PRKAG2: variants seen among roughly 807,000 people sequenced by gnomAD.
PRKAG2 encodes 5'-AMP-activated protein kinase subunit gamma-2.
A neutral mutation model predicts 69.6 loss-of-function variants in PRKAG2; 26 were observed. The observed-to-expected ratio is 0.37, with a 90% confidence interval of 0.27 to 0.52. The LOEUF (loss-of-function observed/expected upper bound fraction) is 0.52. Among genes scored for constraint, PRKAG2 ranks in the 20% least tolerant of loss-of-function variants. The pLI, the probability that PRKAG2 is intolerant of heterozygous loss-of-function variation, is 0.90. For synonymous variants in PRKAG2, 293 were observed against 285.0 expected (o/e 1.03, Z -0.28); for missense variants, 557 against 740.0 (o/e 0.75, Z 2.87).
At chr7:151,676,503 C>T (rs1832969202) in intron 3 of PRKAG2, among the ~76,000 whole-genome samples, 1 of 152,150 alleles carries the variant, frequency 6.6e-6, no homozygotes, top group Non-Finnish European at 1.5e-5. Flanking sequence ...TGTAGGAAGA[C>T]TGGAGACATG....
Position 151,564,135 on chromosome 7 carries a change from C to T in PRKAG2, c.1527G>A (p.Val509=), listed in dbSNP as rs777726411. 5 of 1,614,056 alleles carry T rather than the reference C, an allele frequency of 3.1e-6. No homozygotes were observed. The highest frequency in any genetic ancestry group is 2.2e-5 in the South Asian group (2 of 91,090). Residue 509 remains valine (V), a synonymous_variant, in exon 14 of 16, where the codon GTG becomes GTA. Transcript: ENST00000287878. The stretch of plus-strand genomic sequence containing the variant: ...CCAGTATTTCCAGCTTATTGCACTT[C>T]ACAACACCTTCAAAATACTGTGAAC... The part of the protein sequence containing the change: ...QHRSQYFEGV[V]KCNKLEILET...
intron 3 of PRKAG2, among the ~76,000 whole-genome samples, chr7:151,700,310 C>G (rs1008461023): frequency 6.6e-6 from 1 of 152,176 alleles, no homozygotes; most frequent in African/African-American, 2.4e-5. Flanking sequence ...TTTGTAGACT[C>G]TGGCTCCTTG....
At chr7:151,816,976 G>A (rs138562109) in intron 1 of PRKAG2, among the ~76,000 whole-genome samples, 216 of 152,298 alleles carry the variant, frequency 1.4e-3, no homozygotes, top group African/African-American at 4.9e-3. Flanking sequence ...GTGTGATGAT[G>A]CTGTAGTTCT....
At position 151,781,378 on chromosome 7, in the gene PRKAG2, G is replaced by A. The variant is rs142482217; in HGVS notation, c.240C>T (p.Gly80=). 6 of 1,612,572 alleles carry A rather than the reference G, an allele frequency of 3.7e-6. No individual in the cohort carries two copies. The highest frequency in any genetic ancestry group is 1.1e-5 in the South Asian group (1 of 91,004). Residue 80 remains glycine (G), a synonymous_variant, in exon 3 of 16, where the codon GGC becomes GGT. Coordinates refer to ENST00000287878, the MANE Select transcript of PRKAG2 (RefSeq NM_016203.4). This position sits in a 1 kb window ranked among gnomAD's most constrained non-coding sequence, Gnocchi z 6.1. ...GSPSKGFFSR[G]PQPRPSSPMS... The stretch of plus-strand genomic sequence containing the variant: ...TGGGGCTGGAGGGCCGGGGCTGGGG[G>A]CCTCTGGAGAAGAACCCTTTGGAGG...
intron 3 of PRKAG2, among the ~76,000 whole-genome samples, chr7:151,755,668 T>G (rs2151746428): frequency 6.6e-6 from 1 of 152,370 alleles, no homozygotes; most frequent in East Asian, 1.9e-4. Flanking sequence ...ACTTTGTCTA[T>G]GGCTTCGTAG....
intron 4 of PRKAG2, 100 bp downstream of exon 4, chr7:151,675,320 T>C (rs1451629988): frequency 4.1e-6 from 5 of 1,213,356 alleles, no homozygotes; most frequent in Admixed American, 2.0e-5. Flanking sequence ...GCACACGACC[T>C]CAGCCTCGGC....
At chr7:151,598,298 G>A (rs930467584) in intron 5 of PRKAG2, among the ~76,000 whole-genome samples, 1 of 152,136 alleles carries the variant, frequency 6.6e-6, no homozygotes, top group Non-Finnish European at 1.5e-5. Context: ...AGAGGCTGGG[G>A]AGGGAATGGG....
intron 13 of PRKAG2, among the ~76,000 whole-genome samples, chr7:151,564,760 T>A (rs1012136788): frequency 1.1e-4 from 16 of 151,354 alleles, no homozygotes; most frequent in African/African-American, 3.6e-4. Flanking sequence ...TCATTCATTT[T>A]AGCGGGTCCC....
intron 1 of PRKAG2, among the ~76,000 whole-genome samples, chr7:151,815,048 G>C (rs1563723090): frequency 6.6e-6 from 1 of 152,196 alleles, no homozygotes; most frequent in Non-Finnish European, 1.5e-5. Flanking sequence ...TTCAGGCAAA[G>C]GCTTCAGAAA....
intron 5 of PRKAG2, among the ~76,000 whole-genome samples, chr7:151,595,976 C>T (rs1182473828): frequency 6.6e-6 from 1 of 151,844 alleles, no homozygotes; most frequent in Non-Finnish European, 1.5e-5. Context: ...TCGAGACCAG[C>T]CTGGGTGGCA....
chr7:151,850,855 G>A lies in PRKAG2; in HGVS notation c.114+25652C>T, dbSNP rs1462403746. 6.6e-6 allele frequency among the ~76,000 whole-genome samples: 1 copy of A among 152,190 alleles called. No homozygotes were observed. Among genetic ancestry groups the A allele is most frequent in the Non-Finnish European group, 1.5e-5 (1 of 68,052 alleles). Reference sequence around the variant, plus strand: ...AGTCCCTCCCCCCACAGTCACTGATGGTGTCACTGAAAGCCGAGTCTGACA... The same window carrying A: ...AGTCCCTCCCCCCACAGTCACTGATAGTGTCACTGAAAGCCGAGTCTGACA... On this transcript the variant is annotated intron_variant, in intron 1 of 15. Transcript: ENST00000287878. This position sits in a 1 kb window ranked among gnomAD's most constrained non-coding sequence, Gnocchi z 4.1.
At chr7:151,637,178 T>C (rs1825878887) in intron 4 of PRKAG2, among the ~76,000 whole-genome samples, 1 of 152,220 alleles carries the variant, frequency 6.6e-6, no homozygotes. Context: ...CTCTGCATTA[T>C]TTCTTACAAC....
chr7:151,599,602 GATC>G (rs1815500792), intron 5 of PRKAG2, among the ~76,000 whole-genome samples: 1 of 152,164 alleles, frequency 6.6e-6, no homozygotes. Flanking sequence ...TTCCACCTCA[GATC>G]ATCAGGCACC....
intron 3 of PRKAG2, among the ~76,000 whole-genome samples, chr7:151,687,597 T>C (rs1007567127): frequency 2.6e-5 from 4 of 152,192 alleles, no homozygotes; most frequent in African/African-American, 4.8e-5. Flanking sequence ...GTGGTAAGAA[T>C]GGGCATGACC....
At chr7:151,617,612 T>C (rs576388659) in intron 5 of PRKAG2, among the ~76,000 whole-genome samples, 5 of 152,234 alleles carry the variant, frequency 3.3e-5, no homozygotes, top group Non-Finnish European at 7.3e-5. Context: ...GTTAATAGCA[T>C]TGTTGAGTTT....
intron 1 of PRKAG2, among the ~76,000 whole-genome samples, chr7:151,865,783 G>A (rs1015942510): frequency 1.3e-4 from 20 of 152,210 alleles, no homozygotes; most frequent in African/African-American, 2.4e-4. Context: ...ACTTTGGGAG[G>A]CCAAGGCGGG....
chr7:151,710,037 A>G (rs1259222387), intron 3 of PRKAG2, among the ~76,000 whole-genome samples: 2 of 152,208 alleles, frequency 1.3e-5, no homozygotes, highest in Non-Finnish European at 2.9e-5. Context: ...TCTCGAGTCT[A>G]GAAGGGTGGC....
At chr7:151,805,585 C>T (rs1013974555) in intron 1 of PRKAG2, among the ~76,000 whole-genome samples, 1 of 152,200 alleles carries the variant, frequency 6.6e-6, no homozygotes, top group Non-Finnish European at 1.5e-5. Context: ...AACTGGGAAT[C>T]ATGGGAGTTC....
At chr7:151,572,486 T>G (rs1379495186) in intron 9 of PRKAG2, 178 bp downstream of exon 9, 1 of 544,176 alleles carries the variant, frequency 1.8e-6, no homozygotes, top group East Asian at 3.2e-5. Flanking sequence ...GGGACAATAC[T>G]TATATTGTTC....
Sources: allele counts gnomAD v4.1 joint callset (sites outside exome capture counted in the v4.1 genomes callset), GRCh38; gene constraint gnomAD v4.1.1; non-coding constraint Gnocchi (gnomAD v3.1); transcripts MANE v1.5; gene names NCBI Gene and HGNC (gene_info 2026-07-23, HGNC 2026-07-21).